SDK1: variants seen among roughly 807,000 people sequenced by gnomAD.
SDK1 encodes protein sidekick-1.
In SDK1, 157 loss-of-function variants were observed where a neutral mutation model predicts 245.5. The ratio of observed to expected loss-of-function variants is 0.64; its 90% CI spans 0.56 to 0.73. The LOEUF (loss-of-function observed/expected upper bound fraction) is 0.73. Ranked by LOEUF, SDK1 falls within the 30% of genes least tolerant of loss-of-function variation. The pLI, the probability that SDK1 is intolerant of heterozygous loss-of-function variation, is 0.00. For synonymous variants in SDK1, 1,647 were observed against 1,278.5 expected, an observed-to-expected ratio of 1.29 and a Z score of -6.15; for missense variants, 3,583 against 3,002.3, an observed-to-expected ratio of 1.19 and a Z score of -4.52.
intron 5 of SDK1, among the ~76,000 whole-genome samples, chr7:3,928,099 G>A (rs1168042328): frequency 6.6e-6 from 1 of 152,114 alleles, no homozygotes; most frequent in African/African-American, 2.4e-5. Flanking sequence ...CCTCTGTCTT[G>A]ATTAGGAAGC....
chr7:3,787,604 A>T (rs902940760), intron 4 of SDK1, among the ~76,000 whole-genome samples: 1 of 152,208 alleles, frequency 6.6e-6, no homozygotes, highest in Non-Finnish European at 1.5e-5. Context: ...TTTTATAAAT[A>T]CGAAGTATCA....
At chr7:4,048,808 G>A (rs1789220843) in intron 17 of SDK1, among the ~76,000 whole-genome samples, 1 of 152,220 alleles carries the variant, frequency 6.6e-6, no homozygotes, top group Non-Finnish European at 1.5e-5. Context: ...CTGTAAAAGA[G>A]AGAAACAAAC....
At chr7:3,463,591 A>G (rs1780899810) in intron 1 of SDK1, among the ~76,000 whole-genome samples, 1 of 152,142 alleles carries the variant, frequency 6.6e-6, no homozygotes, top group African/African-American at 2.4e-5. Flanking sequence ...GGCTTTCACT[A>G]CTGGAGTATT....
At chr7:3,724,297 G>T (rs1252289152) in intron 4 of SDK1, among the ~76,000 whole-genome samples, 2 of 152,040 alleles carry the variant, frequency 1.3e-5, no homozygotes, top group African/African-American at 4.8e-5. Flanking sequence ...TATCAGTCAG[G>T]AGCAGGAGCT....
At chr7:3,685,214 T>TAAA (rs35896405) in intron 4 of SDK1, among the ~76,000 whole-genome samples, 3 of 149,026 alleles carry the variant, frequency 2.0e-5, no homozygotes, top group Admixed American at 1.3e-4. Context: ...AACATTAAGT[T>TAAA]AAAAAAAAAA....
intron 4 of SDK1, among the ~76,000 whole-genome samples, chr7:3,688,695 T>A (rs7786418): frequency 0.28 from 42,455 of 152,120 alleles, 9,352 homozygotes; most frequent in African/African-American, 0.6. Flanking sequence ...ATGTAAAGTA[T>A]CTTCCAGTGT....
At chr7:4,145,981 T>C in intron 29 of SDK1, 65 bp downstream of exon 29, 1 of 1,415,902 alleles carries the variant, frequency 7.1e-7, no homozygotes, top group South Asian at 1.3e-5. Context: ...AATCAGGCCC[T>C]CTGGGGTCTG....
intron 4 of SDK1, among the ~76,000 whole-genome samples, chr7:3,653,351 G>C (rs897935013): frequency 3.3e-5 from 5 of 152,134 alleles, no homozygotes; most frequent in Admixed American, 6.5e-5. Flanking sequence ...GTTGTCACTT[G>C]GGGTATTTGA....
At chr7:3,481,854 A>G (rs549347013) in intron 1 of SDK1, among the ~76,000 whole-genome samples, 100 of 152,352 alleles carry the variant, frequency 6.6e-4, no homozygotes, top group Admixed American at 2.2e-3. Flanking sequence ...TTTCCAAATT[A>G]TCCCTGTTGA....
At chr7:3,699,345 A>G (rs1227935743) in intron 4 of SDK1, among the ~76,000 whole-genome samples, 1 of 152,218 alleles carries the variant, frequency 6.6e-6, no homozygotes, top group Non-Finnish European at 1.5e-5. Context: ...AGTCATAAAA[A>G]TGCAATCAAT....
intron 23 of SDK1, 138 bp from the exon 24 acceptor site, chr7:4,113,151 C>G (rs908391354): frequency 1.1e-6 from 1 of 933,052 alleles, no homozygotes; most frequent in Admixed American, 2.4e-5. Context: ...AGAGGGTGTC[C>G]TTGAGCAATA....
chr7:3,409,947 G>T (rs1186128052), intron 1 of SDK1, among the ~76,000 whole-genome samples: 1 of 152,094 alleles, frequency 6.6e-6, no homozygotes, highest in Non-Finnish European at 1.5e-5. Context: ...GCCACTATTT[G>T]TTGAGTGCAT....
At chr7:3,655,469 A>ATG (rs1160360857) in intron 4 of SDK1, among the ~76,000 whole-genome samples, 1 of 33,494 alleles carries the variant, frequency 3.0e-5, no homozygotes, top group African/African-American at 7.9e-5. Flanking sequence ...ATATATATAT[A>ATG]TATATATATA....
At position 3,301,605 on chromosome 7, in the gene SDK1, C is replaced by A; in HGVS notation, c.19C>A (p.Pro7Thr). The A allele has an allele frequency of 1.0e-6, 1 of 973,668 alleles. No homozygotes were observed. The highest frequency in any genetic ancestry group is 1.2e-6 in the Non-Finnish European group (1 of 824,196). The allele number at this position is 973,668 out of a possible 1,614,324, so 60.3% of individuals were successfully genotyped here. A position where few individuals can be genotyped will look rare whatever the true frequency, so the allele number is the denominator to read the frequency against. MARGAR[P>T]SAAGGGGGGA... ...GCTCGGCATGGCCCGGGGCGCCCGG[C>A]CCTCGGCGGCCGGTGGCGGCGGCGG... Residue 7 changes from proline to threonine, a missense_variant, in exon 1 of 45, where the codon CCC (proline) becomes ACC (threonine). Pro to Thr is a conservative substitution (Grantham distance 38). Transcript: ENST00000404826.
At chr7:4,188,303 T>C (rs1367446703) in intron 35 of SDK1, among the ~76,000 whole-genome samples, 2 of 152,216 alleles carry the variant, frequency 1.3e-5, no homozygotes, top group African/African-American at 4.8e-5. Flanking sequence ...AAGTTTTATT[T>C]TTCTTTAATA....
chr7:3,548,224 G>A (rs1408214024), intron 1 of SDK1, among the ~76,000 whole-genome samples: 1 of 152,152 alleles, frequency 6.6e-6, no homozygotes, highest in African/African-American at 2.4e-5. Flanking sequence ...CTCAGTTCAT[G>A]GAAGGTGGTT....
chr7:3,481,220 T>C (rs557945368), intron 1 of SDK1, among the ~76,000 whole-genome samples: 4 of 152,378 alleles, frequency 2.6e-5, no homozygotes, highest in Non-Finnish European at 4.4e-5. Context: ...TAGGTATTTT[T>C]ATTCCACTTT....
chr7:3,962,425 G>A (rs1033103206), intron 8 of SDK1, among the ~76,000 whole-genome samples: 1 of 152,178 alleles, frequency 6.6e-6, no homozygotes, highest in South Asian at 2.1e-4. Context: ...AGCCTGGAAG[G>A]CACCGCAGCC....
At chr7:4,034,372 G>A (rs1220648218) in intron 17 of SDK1, among the ~76,000 whole-genome samples, 1 of 152,158 alleles carries the variant, frequency 6.6e-6, no homozygotes, top group Non-Finnish European at 1.5e-5. Flanking sequence ...CCGACGTCCC[G>A]GTTTTGATGC....
Sources: allele counts gnomAD v4.1 joint callset (sites outside exome capture counted in the v4.1 genomes callset), GRCh38; gene constraint gnomAD v4.1.1; transcripts MANE v1.5; gene names NCBI Gene and HGNC (gene_info 2026-07-23, HGNC 2026-07-21).